PTK2B: variants seen among roughly 807,000 people sequenced by gnomAD.
PTK2B encodes the protein protein-tyrosine kinase 2-beta.
PTK2B carries 71 observed loss-of-function variants against 142.9 expected under a neutral mutation model. That is an observed-to-expected ratio of 0.50 (90% CI 0.41 to 0.61). The LOEUF (loss-of-function observed/expected upper bound fraction) is 0.61. PTK2B is among the 20% of genes least tolerant of loss of function. PTK2B has a pLI of 0.00. For missense variants in PTK2B, 1,105 were observed against 1,320.4 expected, an observed-to-expected ratio of 0.84 and a Z score of 2.53; for synonymous variants, 519 against 503.4, an observed-to-expected ratio of 1.03 and a Z score of -0.42.
intron 30 of PTK2B, among the ~76,000 whole-genome samples, chr8:27,455,916 G>A (rs1435190353): frequency 1.3e-5 from 2 of 152,210 alleles, no homozygotes; most frequent in South Asian, 2.1e-4. Context: ...CCAGCCCTGC[G>A]GCACAGATGA....
chr8:27,356,957 A>G (rs945005296), intron 1 of PTK2B, among the ~76,000 whole-genome samples: 11 of 152,328 alleles, frequency 7.2e-5, no homozygotes, highest in African/African-American at 2.6e-4. Flanking sequence ...TTTCACGGTG[A>G]TGAAACAGTT....
In PTK2B at chr8:27,458,420, C is replaced by T; in HGVS notation, c.2941C>T (p.His981Tyr). 1 of 1,612,082 alleles carries T rather than the reference C, an allele frequency of 6.2e-7. No individual in the cohort carries two copies. Among genetic ancestry groups the T allele is most frequent in the Non-Finnish European group, 8.5e-7 (1 of 1,179,106 alleles). Residue 981 changes from histidine to tyrosine, a missense_variant, in exon 31 of 31, where the codon CAC becomes TAC. Transcript: ENST00000346049. ...ECKRQMLTAS[H>Y]TLAVDAKNLL... ...CAAGAGGCAGATGCTGACGGCTTCA[C>T]ACACCCTGGCTGTGGACGCCAAGAA...
In PTK2B at chr8:27,363,453, C is replaced by T. The variant is rs897578749; in HGVS notation, c.-37-34095C>T. Among the ~76,000 whole-genome samples, 1 of 152,090 alleles carries T rather than the reference C, an allele frequency of 6.6e-6. No individual in the cohort carries two copies. The highest frequency in any genetic ancestry group is 1.9e-4 in the East Asian group (1 of 5,192). ...GAAGGTTTTTTAATAATTAGAGCTC[C>T]GAGCAATGGGACAGGTTGCAGAAAT... On this transcript the variant is annotated intron_variant, in intron 1 of 30. Transcript: ENST00000346049. This position sits in a 1 kb window ranked among gnomAD's most constrained non-coding sequence, Gnocchi z 4.3.
chr8:27,430,456 T>C, intron 7 of PTK2B, 38 bp downstream of exon 7: 1 of 1,609,644 alleles, frequency 6.2e-7, no homozygotes, highest in Non-Finnish European at 8.5e-7. Flanking sequence ...TTCGTGCTGA[T>C]TCCCGAGACT....
chr8:27,359,156 C>T (rs1324962463), intron 1 of PTK2B, among the ~76,000 whole-genome samples: 1 of 152,140 alleles, frequency 6.6e-6, no homozygotes, highest in Non-Finnish European at 1.5e-5. Flanking sequence ...TGCTCTGTCA[C>T]CCAGGCTGGA....
chr8:27,393,912 G>C (rs1401666042), intron 1 of PTK2B, among the ~76,000 whole-genome samples: 1 of 152,046 alleles, frequency 6.6e-6, no homozygotes, highest in Non-Finnish European at 1.5e-5. Flanking sequence ...CTGAAGCTGG[G>C]ACCTGCTGTA....
intron 27 of PTK2B, chr8:27,451,798 T>C: frequency 7.7e-7 from 1 of 1,293,762 alleles, no homozygotes; most frequent in Non-Finnish European, 9.8e-7. Context: ...CTGGAAATTC[T>C]CTCTTCCTCA....
chr8:27,361,510 C>T (rs1040363265), intron 1 of PTK2B, among the ~76,000 whole-genome samples: 1 of 152,172 alleles, frequency 6.6e-6, no homozygotes, highest in Non-Finnish European at 1.5e-5. Flanking sequence ...AGGCATGAGC[C>T]ACCGCAGCCG....
intron 2 of PTK2B, among the ~76,000 whole-genome samples, chr8:27,313,037 A>G (rs1479031060): frequency 6.6e-6 from 1 of 152,226 alleles, no homozygotes; most frequent in Non-Finnish European, 1.5e-5. Flanking sequence ...CTTGAATTGT[A>G]ATCCCCATAA....
At chr8:27,369,072 T>G (rs915724683) in intron 1 of PTK2B, among the ~76,000 whole-genome samples, 4 of 152,226 alleles carry the variant, frequency 2.6e-5, no homozygotes, top group Non-Finnish European at 4.4e-5. Context: ...AGCTGGTTGC[T>G]TCTCAGAATA....
intron 3 of PTK2B, among the ~76,000 whole-genome samples, chr8:27,319,643 CAAAAAAAAA>C (rs35156739): frequency 1.1e-5 from 1 of 89,232 alleles, no homozygotes; most frequent in African/African-American, 4.3e-5. Context: ...GACTCTGTCT[CAAAAAAAAA>C]AAAAAAAAAA....
At position 27,371,673 on chromosome 8, in the gene PTK2B, A is replaced by C. The variant is rs1643380007; in HGVS notation, c.-37-25875A>C. Among the ~76,000 whole-genome samples the C allele has an allele frequency of 2.0e-5, 3 of 151,886 alleles. No homozygotes were observed. The South Asian group carries it at 6.2e-4, about 32-fold the overall frequency. On this transcript the variant is annotated intron_variant, in intron 1 of 30. Coordinates refer to ENST00000346049, the MANE Select transcript of PTK2B (RefSeq NM_173176.3). ...AGCAATTCTCCTGCCTCGGCATCCC[A>C]AGTAGCTGGTATTACAGGCATGCAC...
At chr8:27,374,111 G>C (rs889543670) in intron 1 of PTK2B, among the ~76,000 whole-genome samples, 1 of 152,198 alleles carries the variant, frequency 6.6e-6, no homozygotes, top group African/African-American at 2.4e-5. Context: ...CTGATACATA[G>C]GTGGTAAATC....
At chr8:27,318,005 T>C (rs112242590) in intron 3 of PTK2B, among the ~76,000 whole-genome samples, 2 of 152,348 alleles carry the variant, frequency 1.3e-5, no homozygotes, top group African/African-American at 4.8e-5. Context: ...GTGGTTTTTT[T>C]TCTCTAAAGC....
In PTK2B at chr8:27,442,939, C is replaced by A; in HGVS notation, c.2104C>A (p.Pro702Thr). The A allele has an allele frequency of 1.2e-6, 2 of 1,614,170 alleles. No homozygotes were observed. Among genetic ancestry groups the A allele is most frequent in the Non-Finnish European group, 1.7e-6 (2 of 1,180,012 alleles). The change falls in exon 22 of 31, where the codon CCC becomes ACC. Residue 702 changes from proline (P) to threonine (T), a missense_variant. Pro to Thr is a conservative substitution (Grantham distance 38). Transcript: ENST00000346049. ...EQERNARYRT[P>T]KILEPTAFQE... Reference sequence around the variant, plus strand: ...AGAGAGGAATGCTCGCTACCGAACCCCCAAAATCTTGGAGCCCACAGCCTT... The same window carrying A: ...AGAGAGGAATGCTCGCTACCGAACCACCAAAATCTTGGAGCCCACAGCCTT...
chr8:27,430,777 C>T, intron 7 of PTK2B, 99 bp from the exon 8 acceptor site: 3 of 1,479,914 alleles, frequency 2.0e-6, no homozygotes, highest in Non-Finnish European at 2.7e-6. Flanking sequence ...CCCTGGGGAT[C>T]ATTTTCGAGC....
chr8:27,458,618 AC>A lies in PTK2B; in HGVS notation c.*111del. On this transcript the variant is annotated 3_prime_UTR_variant, in exon 31 of 31. Transcript: ENST00000346049. ...TCCAGGGGGAAGGCCAAGGGGAGTC[AC>A]CTTCCCTTGCCACTTTGCACGACGC... The A allele has an allele frequency of 8.6e-7, 1 of 1,167,350 alleles. No individual in the cohort carries two copies. Among genetic ancestry groups the A allele is most frequent in the Non-Finnish European group, 1.2e-6 (1 of 828,038 alleles). The allele number at this position is 1,167,350 out of a possible 1,614,324, so 72.3% of individuals were successfully genotyped here.
intron 2 of PTK2B, among the ~76,000 whole-genome samples, chr8:27,405,070 T>C (rs914987788): frequency 2.7e-4 from 17 of 62,974 alleles, no homozygotes; most frequent in South Asian, 1.3e-3. Context: ...CTCTCTCTCT[T>C]AGCCATGTGA....
chr8:27,325,552 C>G lies in PTK2B; in HGVS notation c.-167C>G, dbSNP rs895273943. 6.6e-6 allele frequency: 1 copy of G among 152,446 alleles called. No individual in the cohort carries two copies. Among genetic ancestry groups the G allele is most frequent in the Non-Finnish European group, 1.5e-5 (1 of 68,246 alleles). The allele number at this position is 152,446 out of a possible 1,614,324, so 9.4% of individuals were successfully genotyped here. A position where few individuals can be genotyped will look rare whatever the true frequency, so the allele number is the denominator to read the frequency against. ...AGGAGGGAGAATCTAACCTGTCAGCCCTTTTACTCAGCCACAGCCTCCGGA... is the reference window on the plus strand; with the variant it reads ...AGGAGGGAGAATCTAACCTGTCAGCGCTTTTACTCAGCCACAGCCTCCGGA... On this transcript the variant is annotated 5_prime_UTR_variant, in exon 1 of 31. Coordinates refer to ENST00000346049, the MANE Select transcript of PTK2B (RefSeq NM_173176.3).
Sources: gnomAD v4.1 joint callset for allele counts (sites outside exome capture counted in the v4.1 genomes callset) on GRCh38, gnomAD v4.1.1 for gene constraint, Gnocchi (gnomAD v3.1) non-coding constraint, MANE v1.5 for transcripts, NCBI Gene and HGNC (gene_info 2026-07-23, HGNC 2026-07-21) for gene names.